The following THOC1 variants were observed in gnomAD, a reference collection of about 807,000 sequenced individuals.
THOC1 encodes THO complex 1.
A neutral mutation model predicts 97.3 loss-of-function variants in THOC1; 29 were observed. The observed-to-expected ratio is 0.30, with a 90% CI of 0.22 to 0.41. THOC1 has a LOEUF of 0.41. THOC1 is among the 10% of genes least tolerant of loss of function. The probability of loss-of-function intolerance (pLI) is 1.00; values close to 1 mark genes in which losing one functional copy is unlikely to be tolerated. For missense variants in THOC1, 529 were observed against 761.9 expected (o/e 0.69, Z 3.60); for synonymous variants, 255 against 257.0 (o/e 0.99, Z 0.07).
Position 265,714 on chromosome 18 carries a change from A to C in THOC1, c.55-184T>G, listed in dbSNP as rs77095240. ...CTACTTCATGATACGGATCCTCATC[A>C]CTTTAAATCTGGCAAGAGCTTCCTT... On this transcript the variant is annotated intron_variant, in intron 1 of 20. Coordinates refer to ENST00000261600, the MANE Select transcript of THOC1 (RefSeq NM_005131.3). Among the ~76,000 whole-genome samples the C allele has an allele frequency of 4.7e-3, 719 of 152,148 alleles. 40 individuals carry two copies. In the East Asian group the frequency reaches 0.12, roughly 25 times the overall value.
At position 224,066 on chromosome 18, in the gene THOC1, G is replaced by A; in HGVS notation, c.1304+18C>T. ...AAAAATAACTAAGAACATCCCACAT[G>A]AAGACAAATTCACCTACTTTCCCAT... On this transcript the variant is annotated intron_variant, in intron 16 of 20. Coordinates refer to ENST00000261600, the MANE Select transcript of THOC1 (RefSeq NM_005131.3). 6.6e-7 allele frequency: 1 copy of A among 1,511,242 alleles called. No homozygotes were observed. The highest frequency in any genetic ancestry group is 1.2e-5 in the South Asian group (1 of 86,002). The allele number at this position is 1,511,242 out of a possible 1,614,324, so 93.6% of individuals were successfully genotyped here. A position where few individuals can be genotyped will look rare whatever the true frequency, so the allele number is the denominator to read the frequency against.
rs1912380621 is a variant in THOC1, at chr18:254,602, C to T, written c.521-247G>A. On this transcript the variant is annotated intron_variant, in intron 7 of 20. Coordinates refer to ENST00000261600, the MANE Select transcript of THOC1 (RefSeq NM_005131.3). The surrounding 1 kb of genome is among the most constrained non-coding windows in gnomAD (Gnocchi z 4.1). ...AATAAATTGAATGGCAACCCTGCAT[C>T]GTGCAAGTCTATCAGCACCATTTTT... Among the ~76,000 whole-genome samples, 1 of 152,116 alleles carries T rather than the reference C, an allele frequency of 6.6e-6. No individual in the cohort carries two copies. The highest frequency in any genetic ancestry group is 2.4e-5 in the African/African-American group (1 of 41,422).
At chr18:218,781 A>G in intron 18 of THOC1, 105 bp downstream of exon 18, 2 of 869,718 alleles carry the variant, frequency 2.3e-6, no homozygotes, top group Middle Eastern at 2.5e-4. Context: ...AAAAAGCACT[A>G]TTCTATCTAC....
In THOC1 at chr18:242,323, C is replaced by T. The variant is rs1457790827; in HGVS notation, c.918+4001G>A. On this transcript the variant is annotated intron_variant, in intron 11 of 20. Transcript: ENST00000261600. This position sits in a 1 kb window ranked among gnomAD's most constrained non-coding sequence, Gnocchi z 4.5. ...AAAAAACCTGTCTCTATTAAAAATA[C>T]AAAAATTGGCCAGGCGTGGTGTTGG... 6.6e-6 allele frequency among the ~76,000 whole-genome samples: 1 copy of T among 151,466 alleles called. No individual in the cohort carries two copies. The highest frequency in any genetic ancestry group is 6.6e-5 in the Admixed American group (1 of 15,154).
intron 11 of THOC1, among the ~76,000 whole-genome samples, chr18:237,252 C>G (rs181413908): frequency 1.3e-5 from 2 of 151,470 alleles, no homozygotes; most frequent in East Asian, 3.9e-4. Flanking sequence ...CTCTGCCTCC[C>G]GGGTTCAAGC....
At chr18:221,807 A>G (rs1253652482) in intron 17 of THOC1, among the ~76,000 whole-genome samples, 2 of 151,966 alleles carry the variant, frequency 1.3e-5, no homozygotes, top group African/African-American at 2.4e-5. Flanking sequence ...ACGGGGTTTC[A>G]CCGTGTTAGC....
In THOC1 at chr18:262,045, A is replaced by T. The variant is rs1912622021; in HGVS notation, c.257-1741T>A. Among the ~76,000 whole-genome samples, 6 of 152,090 alleles carry T rather than the reference A, an allele frequency of 3.9e-5. No individual in the cohort carries two copies. In the South Asian group the frequency reaches 1.2e-3, roughly 32 times the overall value. On this transcript the variant is annotated intron_variant, in intron 4 of 20. Coordinates refer to ENST00000261600, the MANE Select transcript of THOC1 (RefSeq NM_005131.3). ...AGTTCCCAAACACCATGCCATGTTC[A>T]TCCTTCCATGGTTTTGTTCACAATG... is the stretch of plus-strand genomic sequence containing the variant.
In THOC1 at chr18:238,073, C is replaced by T. The variant is rs939140024; in HGVS notation, c.918+8251G>A. Among the ~76,000 whole-genome samples the T allele has an allele frequency of 2.0e-5, 3 of 152,070 alleles. No homozygotes were observed. The East Asian group carries it at 5.8e-4, about 29-fold the overall frequency. ...GGAGATGGGGTTTCACCATGTTGGCCAGGCTGGTTCTCAAACTCCTGACCT... is the reference window on the plus strand; with the variant it reads ...GGAGATGGGGTTTCACCATGTTGGCTAGGCTGGTTCTCAAACTCCTGACCT... On this transcript the variant is annotated intron_variant, in intron 11 of 20. Transcript: ENST00000261600.
intron 11 of THOC1, among the ~76,000 whole-genome samples, chr18:233,980 G>A (rs558644595): frequency 6.6e-6 from 1 of 152,288 alleles, no homozygotes; most frequent in African/African-American, 2.4e-5. Flanking sequence ...GGGAGAAGGG[G>A]CACTGGGTCT....
At chr18:227,622 C>T (rs1387989941) in intron 11 of THOC1, among the ~76,000 whole-genome samples, 1 of 151,666 alleles carries the variant, frequency 6.6e-6, no homozygotes, top group Non-Finnish European at 1.5e-5. Context: ...TTCAACGACC[C>T]TGCCATCCAG....
intron 4 of THOC1, among the ~76,000 whole-genome samples, chr18:262,973 T>C (rs1363199386): frequency 6.6e-6 from 1 of 152,238 alleles, no homozygotes; most frequent in African/African-American, 2.4e-5. Flanking sequence ...CTGTGTACTA[T>C]GTGCATTGTT....
intron 7 of THOC1, among the ~76,000 whole-genome samples, chr18:255,252 A>G (rs1367903585): frequency 6.6e-6 from 1 of 152,234 alleles, no homozygotes; most frequent in African/African-American, 2.4e-5. Context: ...ATACATGATT[A>G]AGCTTAGTAA....
At chr18:248,991 C>T (rs1020281136) in intron 9 of THOC1, among the ~76,000 whole-genome samples, 1 of 152,172 alleles carries the variant, frequency 6.6e-6, no homozygotes, top group African/African-American at 2.4e-5. Context: ...ACTTCATGAT[C>T]TGCCCACCTC....
intron 11 of THOC1, among the ~76,000 whole-genome samples, chr18:240,491 T>C (rs56980090): frequency 6.6e-6 from 1 of 152,294 alleles, no homozygotes; most frequent in African/African-American, 2.4e-5. Context: ...AAACAGAGGG[T>C]AGTTCATGCT....
chr18:233,149 G>A (rs1911550042), intron 11 of THOC1, among the ~76,000 whole-genome samples: 1 of 152,072 alleles, frequency 6.6e-6, no homozygotes, highest in African/African-American at 2.4e-5. Context: ...CATATTTCAT[G>A]TTTTCTTCTA....
chr18:239,883 A>G (rs1598298336), intron 11 of THOC1, among the ~76,000 whole-genome samples: 1 of 152,322 alleles, frequency 6.6e-6, no homozygotes, highest in East Asian at 1.9e-4. Context: ...TATGAAGTCC[A>G]TTTATAACCA....
chr18:241,003 TGC>T (rs1420133811), intron 11 of THOC1, among the ~76,000 whole-genome samples: 2 of 152,160 alleles, frequency 1.3e-5, no homozygotes, highest in Admixed American at 1.3e-4. Context: ...CTAATGCTGC[TGC>T]TGATCTGATA....
intron 15 of THOC1, among the ~76,000 whole-genome samples, chr18:224,653 T>A (rs1366932806): frequency 1.3e-5 from 2 of 151,982 alleles, no homozygotes; most frequent in African/African-American, 4.8e-5. Context: ...TGCCACATTA[T>A]ATGGCAAATT....
In THOC1 at chr18:243,974, TAA is replaced by T. The variant is rs1216930598; in HGVS notation, c.918+2348_918+2349del. Among the ~76,000 whole-genome samples, 18 of 152,286 alleles carry T rather than the reference TAA, an allele frequency of 1.2e-4. No homozygotes were observed. The South Asian group carries it at 3.1e-3, about 26-fold the overall frequency. On this transcript the variant is annotated intron_variant, in intron 11 of 20. Coordinates refer to ENST00000261600, the MANE Select transcript of THOC1 (RefSeq NM_005131.3). The stretch of plus-strand genomic sequence containing the variant: ...TTTTTTCTGCCATTCGCTGGATTTA[TAA>T]AGTGGTCTAGATTCCTCCCTGCCTC...
Sources: gnomAD v4.1 joint callset for allele counts (sites outside exome capture counted in the v4.1 genomes callset) on GRCh38, gnomAD v4.1.1 for gene constraint, Gnocchi (gnomAD v3.1) non-coding constraint, MANE v1.5 for transcripts, NCBI Gene and HGNC (gene_info 2026-07-23, HGNC 2026-07-21) for gene names.